The following PLEKHH2 variants were observed in gnomAD, a reference collection of about 807,000 sequenced individuals.
The protein encoded by PLEKHH2 is pleckstrin homology domain-containing family H member 2.
A neutral mutation model predicts 187.9 loss-of-function variants in PLEKHH2; 129 were observed. That is an observed-to-expected ratio of 0.69 (90% CI 0.59 to 0.79). PLEKHH2 has a LOEUF of 0.79. PLEKHH2 is among the 30% of genes least tolerant of loss of function. The pLI is 0.00. For synonymous variants in PLEKHH2, 686 were observed against 605.6 expected (o/e 1.13, Z -1.95); for missense variants, 2,076 against 1,751.2 (o/e 1.19, Z -3.31).
chr2:43,761,512 G>A, intron 27 of PLEKHH2, among the ~76,000 whole-genome samples: 1 of 150,226 alleles, frequency 6.7e-6, no homozygotes. Flanking sequence ...CCAGGTTCCA[G>A]CTGTTCTCCT....
chr2:43,638,460 C>T (rs1222460633), intron 1 of PLEKHH2, among the ~76,000 whole-genome samples: 1 of 152,104 alleles, frequency 6.6e-6, no homozygotes, highest in Non-Finnish European at 1.5e-5. Flanking sequence ...GTCAGAGATT[C>T]AGAGAAAAGA....
rs1672459794 is a variant in PLEKHH2 at position 43,762,304 on chromosome 2, C to A, written c.4072C>A (p.Pro1358Thr). The A allele has an allele frequency of 1.2e-6, 2 of 1,607,238 alleles. No homozygotes were observed. The highest frequency in any genetic ancestry group is 1.1e-5 in the South Asian group (1 of 90,924). The change falls in exon 28 of 30, where the codon CCC becomes ACC. Residue 1358 changes from proline (P) to threonine (T), a missense_variant and splice_region_variant. Physicochemically the swap from Pro to Thr is conservative, Grantham distance 38. Transcript: ENST00000282406. The part of the protein sequence containing the change: ...FFGAKLFLAK[P>T]ITPSSLGSTF... ...ATAGTGTATTTTCACCTCTTCATAG[C>A]CCATAACTCCATCATCACTTGGAAG...
intron 2 of PLEKHH2, among the ~76,000 whole-genome samples, chr2:43,667,053 A>C (rs1283858932): frequency 6.6e-6 from 1 of 152,126 alleles, no homozygotes; most frequent in Admixed American, 6.5e-5. Context: ...TTTTTGGTTC[A>C]TGCTTTTAGT....
At chr2:43,731,396 G>A (rs146735840) in intron 18 of PLEKHH2, 94 bp from the exon 19 acceptor site, 8 of 822,240 alleles carry the variant, frequency 9.7e-6, no homozygotes, top group African/African-American at 7.1e-5. Context: ...TGTGAGCCAA[G>A]CCTGAATGAG....
intron 15 of PLEKHH2, among the ~76,000 whole-genome samples, chr2:43,715,735 T>C (rs1305289057): frequency 1.3e-5 from 2 of 152,160 alleles, no homozygotes; most frequent in Non-Finnish European, 2.9e-5. Flanking sequence ...GGAGCAGTTT[T>C]AGGAAGATTA....
At chr2:43,703,726 A>G (rs1426433517) in intron 8 of PLEKHH2, among the ~76,000 whole-genome samples, 1 of 152,214 alleles carries the variant, frequency 6.6e-6, no homozygotes, top group Non-Finnish European at 1.5e-5. Flanking sequence ...TCACGTCTTC[A>G]AAATAATTTA....
intron 14 of PLEKHH2, chr2:43,711,617 C>T (rs763688426): frequency 5.6e-5 from 54 of 962,852 alleles, no homozygotes; most frequent in South Asian, 1.4e-4. Flanking sequence ...CCTGGCCGGG[C>T]GCGGTGGCTC....
intron 2 of PLEKHH2, among the ~76,000 whole-genome samples, chr2:43,648,106 C>A (rs950302750): frequency 6.6e-6 from 1 of 152,184 alleles, no homozygotes; most frequent in Non-Finnish European, 1.5e-5. Flanking sequence ...ATCTTTCAGA[C>A]TTGTGATGCA....
intron 2 of PLEKHH2, among the ~76,000 whole-genome samples, chr2:43,668,471 T>A (rs959378800): frequency 3.3e-5 from 5 of 152,240 alleles, no homozygotes; most frequent in Non-Finnish European, 7.3e-5. Context: ...TTCATAATCA[T>A]AAAGAGCTCA....
rs543886812 is a variant in PLEKHH2, at chr2:43,671,674, T to C, written c.124-7189T>C. Among the ~76,000 whole-genome samples the C allele has an allele frequency of 9.2e-5, 14 of 152,310 alleles. No individual in the cohort carries two copies. The East Asian group carries it at 2.7e-3, about 29-fold the overall frequency. On this transcript the variant is annotated intron_variant, in intron 2 of 29. Coordinates refer to ENST00000282406, the MANE Select transcript of PLEKHH2 (RefSeq NM_172069.4). Reference sequence around the variant, plus strand: ...AAGAGATTTTTATTGTGAATGGATGTTGAATTTTGTCAGATGATTTTTCTT... The same window carrying C: ...AAGAGATTTTTATTGTGAATGGATGCTGAATTTTGTCAGATGATTTTTCTT...
Position 43,692,553 on chromosome 2 carries a change from C to G in PLEKHH2, c.226C>G (p.Gln76Glu). Residue 76 changes from glutamine to glutamate, a missense_variant, in exon 4 of 30, where the codon CAA (glutamine) becomes GAA (glutamate). Coordinates refer to ENST00000282406, the MANE Select transcript of PLEKHH2 (RefSeq NM_172069.4). ...AGATAAATTAAAAGCAGCTAATATT[C>G]AAACCAGTGAATCAGAGACAAGATT... Reference protein sequence around the residue: ...MEDKLKAANIQTSESETRLYN... With the variant: ...MEDKLKAANIETSESETRLYN... 6.3e-7 allele frequency: 1 copy of G among 1,591,476 alleles called. No individual in the cohort carries two copies. The highest frequency in any genetic ancestry group is 8.6e-7 in the Non-Finnish European group (1 of 1,161,658).
chr2:43,751,614 G>A (rs1672012404), intron 24 of PLEKHH2, among the ~76,000 whole-genome samples: 1 of 152,186 alleles, frequency 6.6e-6, no homozygotes, highest in Admixed American at 6.5e-5. Context: ...CCAATGAGGA[G>A]GTGGAGATTT....
rs1672641284 is a variant in PLEKHH2, at chr2:43,766,847, C to G, written c.*1249C>G. 6.6e-6 allele frequency: 1 copy of G among 152,358 alleles called. No individual in the cohort carries two copies. Among genetic ancestry groups the G allele is most frequent in the Non-Finnish European group, 1.5e-5 (1 of 68,100 alleles). 9.4% of individuals were successfully genotyped at this position (152,358 alleles called of 1,614,324 possible). ...TCCTGGGTTCAAGCAATCCTCCCAC[C>G]TCGGCCTCCCAAAGTGCTGGGATTG... On this transcript the variant is annotated 3_prime_UTR_variant, in exon 30 of 30. Coordinates refer to ENST00000282406, the MANE Select transcript of PLEKHH2 (RefSeq NM_172069.4).
At position 43,765,485 on chromosome 2, in the gene PLEKHH2, C is replaced by G. The variant is rs1572679314; in HGVS notation, c.4369C>G (p.Leu1457Val). The G allele has an allele frequency of 6.2e-7, 1 of 1,614,148 alleles. No homozygotes were observed. Residue 1457 changes from leucine (L) to valine (V), a missense_variant, in exon 30 of 30, where the codon CTC (leucine) becomes GTC (valine). Physicochemically the swap from Leu to Val is conservative, Grantham distance 32 (BLOSUM62 1). Transcript: ENST00000282406. ...FHQQKAAFHHLSAPALLSAQT... is the reference protein window; with the variant it reads ...FHQQKAAFHHVSAPALLSAQT... ...TCAGCAAAAGGCAGCATTTCACCAC[C>G]TCTCTGCTCCAGCACTGCTCTCAGC...
intron 29 of PLEKHH2, 47 bp from the exon 30 acceptor site, chr2:43,765,366 G>A: frequency 1.9e-6 from 3 of 1,575,516 alleles, no homozygotes; most frequent in Admixed American, 1.7e-5. Flanking sequence ...TTCTGGAAGT[G>A]ATGAGAACTT....
chr2:43,762,165 T>C (rs1016038714), intron 27 of PLEKHH2, 139 bp from the exon 28 acceptor site: 34 of 650,196 alleles, frequency 5.2e-5, no homozygotes, highest in Non-Finnish European at 7.0e-5. Context: ...CCCTGCCTCT[T>C]TCCTAGGCGA....
intron 2 of PLEKHH2, chr2:43,676,406 C>CTGCGCTCCCGGT: frequency 8.6e-7 from 1 of 1,157,292 alleles, no homozygotes; most frequent in African/African-American, 1.5e-5. Context: ...GAGCTGGCGG[C>CTGCGCTCCCGGT]TGCGCTCCCG....
intron 24 of PLEKHH2, among the ~76,000 whole-genome samples, chr2:43,749,455 G>A (rs1156628153): frequency 1.3e-5 from 2 of 152,158 alleles, no homozygotes; most frequent in African/African-American, 4.8e-5. Flanking sequence ...CATGTTCTCA[G>A]GACCTCCTGA....
chr2:43,678,086 C>T (rs1420857024), intron 2 of PLEKHH2, among the ~76,000 whole-genome samples: 1 of 151,704 alleles, frequency 6.6e-6, no homozygotes, highest in Non-Finnish European at 1.5e-5. Flanking sequence ...CGCGGCCGGG[C>T]AGAGGCGCTC....
Sources: gnomAD v4.1 joint callset for allele counts (sites outside exome capture counted in the v4.1 genomes callset) on GRCh38, gnomAD v4.1.1 for gene constraint, MANE v1.5 for transcripts, NCBI Gene and HGNC (gene_info 2026-07-23, HGNC 2026-07-21) for gene names.